RABIF: variants seen among roughly 807,000 people sequenced by gnomAD.
The protein encoded by RABIF is RAB interacting factor.
In RABIF, 13 loss-of-function variants were observed where a neutral mutation model predicts 12.3. The ratio of observed to expected loss-of-function variants is 1.06; its 90% CI spans 0.69 to 1.68. RABIF has a LOEUF of 1.68. RABIF is among the 40% of genes most tolerant of loss of function. RABIF has a pLI of 0.00. For missense variants in RABIF, 153 were observed against 158.0 expected, an observed-to-expected ratio of 0.97 and a Z score of 0.17; for synonymous variants, 70 against 63.3, an observed-to-expected ratio of 1.11 and a Z score of -0.50.
rs560852457 is a variant in RABIF at position 202,881,083 on chromosome 1, G to C, written c.267C>G (p.Ile89Met). 3.1e-6 allele frequency: 5 copies of C among 1,614,150 alleles called. 1 individual carries two copies. The African/African-American group carries it at 6.7e-5, about 22-fold the overall frequency. Residue 89 changes from isoleucine (I) to methionine (M), a missense_variant, in exon 2 of 2, where the codon ATC becomes ATG. Coordinates refer to ENST00000367262, the MANE Select transcript of RABIF (RefSeq NM_002871.5). The part of the protein sequence containing the change: ...NVGFTKDVGN[I>M]KFLVCADCEI... The stretch of plus-strand genomic sequence containing the variant: ...CACAGTCTGCGCAGACCAGAAACTT[G>C]ATGTTGCCCACGTCCTTGGTGAAGC...
At position 202,889,116 on chromosome 1, in the gene RABIF, G is replaced by A. The variant is rs773904796; in HGVS notation, c.-18C>T. The A allele has an allele frequency of 1.4e-5, 22 of 1,598,456 alleles. No individual in the cohort carries two copies. The South Asian group carries it at 1.5e-4, about 11-fold the overall frequency. ...GGTTCCATCGCCGCTGCCGCCACAG[G>A]CTCCTCAGCCACGGCTGCGCAGACG... On this transcript the variant is annotated 5_prime_UTR_variant, in exon 1 of 2. Transcript: ENST00000367262.
intron 1 of RABIF, among the ~76,000 whole-genome samples, chr1:202,883,446 A>G (rs766340131): frequency 3.9e-5 from 6 of 152,214 alleles, no homozygotes; most frequent in Admixed American, 6.5e-5. Context: ...AAATTAAGGA[A>G]CCAGGAAACC....
intron 1 of RABIF, among the ~76,000 whole-genome samples, chr1:202,884,122 A>G (rs1659527396): frequency 6.6e-6 from 1 of 152,094 alleles, no homozygotes; most frequent in African/African-American, 2.4e-5. Context: ...TTCTGTCAGG[A>G]CCCCAGCGAA....
chr1:202,888,901 G>T lies in RABIF; in HGVS notation c.126+72C>A, dbSNP rs1280921466. The T allele has an allele frequency of 4.8e-6, 7 of 1,444,168 alleles. No individual in the cohort carries two copies. The Admixed American group carries it at 1.7e-4, about 35-fold the overall frequency. The allele number at this position is 1,444,168 out of a possible 1,614,324, so 89.5% of individuals were successfully genotyped here. On this transcript the variant is annotated intron_variant, in intron 1 of 1. Transcript: ENST00000367262. ...GGTTGCCGGAAATTGAAGAGCCGGG[G>T]TTCAGATTCTGACTGCGGCGGCTCG...
At chr1:202,883,671 C>A (rs1304173324) in intron 1 of RABIF, among the ~76,000 whole-genome samples, 3 of 152,082 alleles carry the variant, frequency 2.0e-5, no homozygotes, top group Non-Finnish European at 4.4e-5. Context: ...TCAGGAGGTG[C>A]CCAACAAAAG....
intron 1 of RABIF, 101 bp downstream of exon 1, chr1:202,888,872 G>A: frequency 2.1e-6 from 3 of 1,411,618 alleles, no homozygotes; most frequent in Middle Eastern, 4.4e-4. Context: ...CGCGAGGAGG[G>A]CGCGGTTGCC....
intron 1 of RABIF, among the ~76,000 whole-genome samples, chr1:202,882,602 A>G (rs1294998322): frequency 6.6e-6 from 1 of 152,152 alleles, no homozygotes; most frequent in Non-Finnish European, 1.5e-5. Flanking sequence ...TAGCACATGT[A>G]TACTGGTGAA....
chr1:202,882,696 T>G lies in RABIF; in HGVS notation c.127-1473A>C, dbSNP rs144807132. ...CACTCCTACTTGTTTATTGCTTATT[T>G]TCTGAAATTATCGTATTAATTTATT... On this transcript the variant is annotated intron_variant, in intron 1 of 1. Coordinates refer to ENST00000367262, the MANE Select transcript of RABIF (RefSeq NM_002871.5). Among the ~76,000 whole-genome samples, 281 of 152,254 alleles carry G rather than the reference T, an allele frequency of 1.8e-3. 1 individual carries two copies. The highest frequency in any genetic ancestry group is 6.1e-3 in the African/African-American group (253 of 41,556).
Position 202,878,591 on chromosome 1 carries a change from A to G in RABIF, c.*2387T>C, listed in dbSNP as rs6703138. Among the ~76,000 whole-genome samples the G allele has an allele frequency of 0.18, 27,097 of 152,236 alleles. 3,152 individuals are homozygous for G. The highest frequency in any genetic ancestry group is 0.45 in the East Asian group (2,347 of 5,174). ...TAGCCTCATATACAACATGGTGACA[A>G]TTTGTGAAATGTCAGTACACCACTG... On this transcript the variant is annotated 3_prime_UTR_variant, in exon 2 of 2. Coordinates refer to ENST00000367262, the MANE Select transcript of RABIF (RefSeq NM_002871.5).
chr1:202,883,883 T>C (rs983056938), intron 1 of RABIF, among the ~76,000 whole-genome samples: 1 of 152,210 alleles, frequency 6.6e-6, no homozygotes. Context: ...ACTATACTTA[T>C]ATATATGCAT....
intron 1 of RABIF, among the ~76,000 whole-genome samples, chr1:202,884,012 T>C (rs1042306724): frequency 3.9e-5 from 6 of 152,156 alleles, no homozygotes; most frequent in East Asian, 3.8e-4. Flanking sequence ...GATAGACTAC[T>C]GGGGATGGCA....
intron 1 of RABIF, among the ~76,000 whole-genome samples, chr1:202,881,606 A>T (rs1381593133): frequency 6.6e-6 from 1 of 151,958 alleles, no homozygotes; most frequent in Non-Finnish European, 1.5e-5. Flanking sequence ...ATGGGGTTTC[A>T]CCGTGTTAGC....
chr1:202,885,647 A>C (rs1659550098), intron 1 of RABIF, among the ~76,000 whole-genome samples: 2 of 152,230 alleles, frequency 1.3e-5, no homozygotes, highest in African/African-American at 4.8e-5. Flanking sequence ...TGTTCTCTCT[A>C]AGGATGGAAC....
chr1:202,885,558 A>AG (rs1659549186), intron 1 of RABIF, among the ~76,000 whole-genome samples: 2 of 152,270 alleles, frequency 1.3e-5, no homozygotes, highest in African/African-American at 4.8e-5. Context: ...CACAGTTATG[A>AG]GAAAAAAGAG....
At chr1:202,888,008 A>C (rs767085490) in intron 1 of RABIF, among the ~76,000 whole-genome samples, 1 of 152,184 alleles carries the variant, frequency 6.6e-6, no homozygotes, top group Non-Finnish European at 1.5e-5. Flanking sequence ...ATACCTACAA[A>C]ACAACAGACA....
chr1:202,887,030 T>G (rs934510157), intron 1 of RABIF, among the ~76,000 whole-genome samples: 1 of 23,462 alleles, frequency 4.3e-5, no homozygotes, highest in African/African-American at 1.2e-4. Flanking sequence ...CTATGTTTTG[T>G]TTTTTTTTTT....
intron 1 of RABIF, among the ~76,000 whole-genome samples, chr1:202,887,032 T>G (rs1387618820): frequency 1.9e-4 from 29 of 151,054 alleles, no homozygotes; most frequent in Middle Eastern, 3.4e-3. Context: ...ATGTTTTGTT[T>G]TTTTTTTTTT....
Position 202,879,907 on chromosome 1 carries a change from A to T in RABIF, c.*1071T>A, listed in dbSNP as rs550317556. On this transcript the variant is annotated 3_prime_UTR_variant, in exon 2 of 2. Coordinates refer to ENST00000367262, the MANE Select transcript of RABIF (RefSeq NM_002871.5). ...GAAATGATGGAATAATTGGAAATCAAGTTGAAGGCTTAAACACGTCTGCTG... is the reference window on the plus strand; with the variant it reads ...GAAATGATGGAATAATTGGAAATCATGTTGAAGGCTTAAACACGTCTGCTG... The T allele has an allele frequency of 2.0e-5, 3 of 152,348 alleles. No individual in the cohort carries two copies. In the East Asian group the frequency reaches 5.8e-4, roughly 29 times the overall value. 9.4% of individuals were successfully genotyped at this position (152,348 alleles called of 1,614,324 possible). A position where few individuals can be genotyped will look rare whatever the true frequency, so the allele number is the denominator to read the frequency against.
intron 1 of RABIF, among the ~76,000 whole-genome samples, chr1:202,881,914 C>G (rs1346949942): frequency 4.6e-5 from 7 of 152,242 alleles, no homozygotes; most frequent in Admixed American, 2.6e-4. Flanking sequence ...ACATAGCCTT[C>G]TCAGGAGGTC....
Sources: allele counts gnomAD v4.1 joint callset (sites outside exome capture counted in the v4.1 genomes callset), GRCh38; gene constraint gnomAD v4.1.1; transcripts MANE v1.5; gene names NCBI Gene and HGNC (gene_info 2026-07-23, HGNC 2026-07-21).